The following SPATA13 variants were observed in gnomAD, a reference collection of about 807,000 sequenced individuals.
The protein encoded by SPATA13 is spermatogenesis-associated protein 13.
SPATA13 carries 50 observed loss-of-function variants against 104.0 expected under a neutral mutation model. The observed-to-expected ratio is 0.48, with a 90% CI of 0.38 to 0.61. The LOEUF (loss-of-function observed/expected upper bound fraction) is 0.61, where lower values mean the gene tolerates loss of function less well. SPATA13 is among the 20% of genes least tolerant of loss of function. The pLI is 0.00. For missense variants in SPATA13, 1,524 were observed against 1,690.6 expected (o/e 0.90, Z 1.73); for synonymous variants, 606 against 667.5 (o/e 0.91, Z 1.42).
At chr13:24,089,940 A>G (rs1271882302) in intron 3 of SPATA13, among the ~76,000 whole-genome samples, 3 of 152,186 alleles carry the variant, frequency 2.0e-5, no homozygotes, top group African/African-American at 7.2e-5. Context: ...TTCACATGGC[A>G]TGGACTTGTC....
intron 2 of SPATA13, among the ~76,000 whole-genome samples, chr13:24,226,041 T>C (rs1871917189): frequency 6.6e-6 from 1 of 152,160 alleles, no homozygotes; most frequent in African/African-American, 2.4e-5. Context: ...TGCAGGCAGG[T>C]AGTCCCAATG....
intron 3 of SPATA13, among the ~76,000 whole-genome samples, chr13:24,129,011 G>T (rs984627123): frequency 1.9e-4 from 29 of 152,200 alleles, no homozygotes; most frequent in Non-Finnish European, 4.4e-5. Context: ...CTCTACACCG[G>T]GGTAAGTGAC....
At chr13:24,263,007 C>T (rs1452911971) in intron 4 of SPATA13, among the ~76,000 whole-genome samples, 1 of 151,978 alleles carries the variant, frequency 6.6e-6, no homozygotes, top group Non-Finnish European at 1.5e-5. Context: ...CTCTGGGCTG[C>T]AAATTTTAGG....
At chr13:24,218,599 A>T (rs1871387490) in intron 1 of SPATA13, among the ~76,000 whole-genome samples, 1 of 152,130 alleles carries the variant, frequency 6.6e-6, no homozygotes, top group Non-Finnish European at 1.5e-5. Context: ...CTTTGTTATC[A>T]TGTAAATCAA....
chr13:24,162,678 C>T (rs1254861627), intron 1 of SPATA13, among the ~76,000 whole-genome samples: 1 of 152,230 alleles, frequency 6.6e-6, no homozygotes, highest in African/African-American at 2.4e-5. Context: ...GAGGGCTTAA[C>T]GTGCATCAGT....
intron 3 of SPATA13, among the ~76,000 whole-genome samples, chr13:24,106,361 C>T (rs1177098198): frequency 6.6e-6 from 1 of 152,174 alleles, no homozygotes; most frequent in Non-Finnish European, 1.5e-5. Flanking sequence ...GAAATCTTCC[C>T]CATCTTTTAT....
rs549233054 is a variant in SPATA13 at position 24,251,254 on chromosome 13, G to A, written c.2020-464G>A. Among the ~76,000 whole-genome samples the A allele has an allele frequency of 4.4e-4, 67 of 152,306 alleles. 2 individuals carry two copies. The South Asian group carries it at 0.012, about 28-fold the overall frequency. Reference sequence around the variant, plus strand: ...GCTCATCTATGCCAGGCTCTGTGTCGGTGGGGAGGAGTAAATGAGGCTGAA... The same window carrying A: ...GCTCATCTATGCCAGGCTCTGTGTCAGTGGGGAGGAGTAAATGAGGCTGAA... On this transcript the variant is annotated intron_variant, in intron 3 of 12. Coordinates refer to ENST00000382108, the MANE Select transcript of SPATA13 (RefSeq NM_001166271.3).
intron 4 of SPATA13, among the ~76,000 whole-genome samples, chr13:24,255,978 T>C (rs1416844601): frequency 6.6e-6 from 1 of 152,236 alleles, no homozygotes; most frequent in African/African-American, 2.4e-5. Context: ...TTTAAGTCCT[T>C]GTTTGTTATA....
In SPATA13 at chr13:24,278,516, G is replaced by A. The variant is rs1017888694; in HGVS notation, c.2165-5619G>A. ...TGGTCCCAAACTCCTGGGCTCAAGG[G>A]ATCCTCCTGCCTCAGTCTTCCAAAG... On this transcript the variant is annotated intron_variant, in intron 4 of 12. Coordinates refer to ENST00000382108, the MANE Select transcript of SPATA13 (RefSeq NM_001166271.3). 2.6e-5 allele frequency: 19 copies of A among 735,072 alleles called. 1 individual carries two copies. The highest frequency in any genetic ancestry group is 3.8e-5 in the Non-Finnish European group (19 of 504,576). The allele number at this position is 735,072 out of a possible 1,614,324, so 45.5% of individuals were successfully genotyped here.
chr13:24,246,727 G>A (rs1307971985), intron 2 of SPATA13, among the ~76,000 whole-genome samples: 1 of 152,160 alleles, frequency 6.6e-6, no homozygotes, highest in Non-Finnish European at 1.5e-5. Context: ...GCTGGGCGTG[G>A]TGGTAGGTGC....
chr13:24,032,797 G>C (rs936410040), intron 3 of SPATA13, among the ~76,000 whole-genome samples: 5 of 152,212 alleles, frequency 3.3e-5, no homozygotes, highest in African/African-American at 1.2e-4. Context: ...CCTTACCCTA[G>C]TGGCTTGCCA....
At chr13:24,005,994 G>A (rs1386440423) in intron 2 of SPATA13, among the ~76,000 whole-genome samples, 1 of 152,136 alleles carries the variant, frequency 6.6e-6, no homozygotes, top group Non-Finnish European at 1.5e-5. Flanking sequence ...CCCATGCTTC[G>A]GGATAGGAGA....
chr13:24,221,479 G>A (rs1193335982), intron 1 of SPATA13, among the ~76,000 whole-genome samples: 1 of 82,158 alleles, frequency 1.2e-5, no homozygotes, highest in African/African-American at 3.4e-5. Flanking sequence ...GAAAGGTTAA[G>A]GGGGAGCAGG....
intron 3 of SPATA13, among the ~76,000 whole-genome samples, chr13:24,020,430 G>A (rs970468500): frequency 6.6e-6 from 1 of 152,114 alleles, no homozygotes; most frequent in African/African-American, 2.4e-5. Flanking sequence ...GAATATATTA[G>A]TATTTTAAAA....
At chr13:24,072,697 G>T (rs1879206837) in intron 3 of SPATA13, among the ~76,000 whole-genome samples, 1 of 152,048 alleles carries the variant, frequency 6.6e-6, no homozygotes, top group Admixed American at 6.5e-5. Context: ...AACCAGAGAT[G>T]ATTTTCCTCT....
intron 3 of SPATA13, among the ~76,000 whole-genome samples, chr13:24,084,527 G>A (rs1172279429): frequency 2.9e-5 from 2 of 68,540 alleles, no homozygotes; most frequent in Non-Finnish European, 6.1e-5. Context: ...GGGAAACCTG[G>A]CTTTCTGGTT....
At chr13:24,082,843 A>T (rs1312133815) in intron 3 of SPATA13, among the ~76,000 whole-genome samples, 9 of 150,924 alleles carry the variant, frequency 6.0e-5, no homozygotes, top group African/African-American at 1.9e-4. Context: ...AAAAAAAAAA[A>T]AAAAAAAAAA....
chr13:24,047,068 G>T (rs1593297756), intron 3 of SPATA13, among the ~76,000 whole-genome samples: 1 of 152,176 alleles, frequency 6.6e-6, no homozygotes, highest in South Asian at 2.1e-4. Context: ...GGTTGGGGAT[G>T]AAATTGTAGG....
chr13:24,152,764 C>T (rs1882134703), intron 3 of SPATA13, among the ~76,000 whole-genome samples: 1 of 152,146 alleles, frequency 6.6e-6, no homozygotes, highest in Non-Finnish European at 1.5e-5. Context: ...CTGAGCAAGG[C>T]GCCAGAGACA....
Sources: allele counts gnomAD v4.1 joint callset (sites outside exome capture counted in the v4.1 genomes callset), GRCh38; gene constraint gnomAD v4.1.1; transcripts MANE v1.5; gene names NCBI Gene and HGNC (gene_info 2026-07-23, HGNC 2026-07-21).